The following SEPTIN6 variants were observed in gnomAD, a reference collection of about 807,000 sequenced individuals.
SEPTIN6 encodes septin-6.
In SEPTIN6, 8 loss-of-function variants were observed where a neutral mutation model predicts 33.6. The ratio of observed to expected loss-of-function variants is 0.24; its 90% CI spans 0.14 to 0.43. The LOEUF is 0.43. Among genes scored for constraint, SEPTIN6 ranks in the 20% least tolerant of loss-of-function variants. The pLI, the probability that SEPTIN6 is intolerant of heterozygous loss-of-function variation, is 1.00. For synonymous variants in SEPTIN6, 131 were observed against 140.0 expected (o/e 0.94, Z 0.45); for missense variants, 250 against 340.8 (o/e 0.73, Z 2.10).
intron 2 of SEPTIN6, among the ~76,000 whole-genome samples, chrX:119,671,482 G>A (rs921412602): frequency 9.1e-6 from 1 of 109,373 alleles, no homozygotes; most frequent in Non-Finnish European, 1.9e-5. Context: ...TAGAGACGGG[G>A]TTTCACCGTG....
chrX:119,686,469 G>A, intron 1 of SEPTIN6: 1 of 451,414 alleles, frequency 2.2e-6, no homozygotes, highest in Non-Finnish European at 3.4e-6. Flanking sequence ...TTAAGTGAGT[G>A]GAAGGGCCGG....
rs928388472 is a variant in SEPTIN6, at chrX:119,675,445, G to A, written c.145+109C>T. The A allele has an allele frequency of 1.0e-5, 4 of 383,185 alleles. No individual in the cohort carries two copies. The East Asian group carries it at 1.9e-4, about 18-fold the overall frequency. 31.6% of individuals were successfully genotyped at this position (383,185 alleles called of 1,213,427 possible). A position where few individuals can be genotyped will look rare whatever the true frequency, so the allele number is the denominator to read the frequency against. Reference sequence around the variant, plus strand: ...AAAAGAAGAGGGGAGAGACACTCTCGCAACTAAATCAGAATGACACACTAT... The same window carrying A: ...AAAAGAAGAGGGGAGAGACACTCTCACAACTAAATCAGAATGACACACTAT... On this transcript the variant is annotated intron_variant, in intron 2 of 10. Coordinates refer to ENST00000394610, the MANE Select transcript of SEPTIN6 (RefSeq NM_145799.4).
At position 119,628,544 on chromosome X, in the gene SEPTIN6, C is replaced by T. The variant is rs1407132800; in HGVS notation, c.1280+774G>A. Reference sequence around the variant, plus strand: ...TTTTTGAGACGGAGTCTCGCTCTGTCGCCCAGGCTGGAGTGCAGTGGCACG... The same window carrying T: ...TTTTTGAGACGGAGTCTCGCTCTGTTGCCCAGGCTGGAGTGCAGTGGCACG... On this transcript the variant is annotated intron_variant, in intron 9 of 10. Coordinates refer to ENST00000394610, the MANE Select transcript of SEPTIN6 (RefSeq NM_145799.4). Among the ~76,000 whole-genome samples the T allele has an allele frequency of 9.6e-5, 9 of 93,835 alleles. No individual in the cohort carries two copies. The East Asian group carries it at 2.8e-3, about 29-fold the overall frequency. 81.5% of individuals were successfully genotyped at this position (93,835 alleles called of 115,157 possible).
At chrX:119,616,653 AT>A, downstream of SEPTIN6, 1 of 1,147,497 alleles carries the variant, frequency 8.7e-7, no homozygotes, top group South Asian at 1.9e-5. Flanking sequence ...TTGATTTCTG[AT>A]TTGAGACAAT....
At chrX:119,680,107 C>T (rs1394131214) in intron 1 of SEPTIN6, among the ~76,000 whole-genome samples, 3 of 110,907 alleles carry the variant, frequency 2.7e-5, no homozygotes, top group African/African-American at 9.8e-5. Context: ...TCAATGTTCA[C>T]TGTAGAAATT....
intron 5 of SEPTIN6, among the ~76,000 whole-genome samples, chrX:119,645,286 T>C: frequency 1.0e-5 from 1 of 96,620 alleles, no homozygotes; most frequent in Admixed American, 1.1e-4. Context: ...GTCGCCAGGC[T>C]GGAGTGCAGT....
At chrX:119,652,754 G>A (rs1454264851) in intron 4 of SEPTIN6, 100 bp downstream of exon 4, 1 of 652,327 alleles carries the variant, frequency 1.5e-6, no homozygotes, top group African/African-American at 2.2e-5. Context: ...ATGAGGGAGA[G>A]GATGAGGATG....
At chrX:119,663,443 C>G in intron 3 of SEPTIN6, 39 bp downstream of exon 3, 1 of 1,019,706 alleles carries the variant, frequency 9.8e-7, no homozygotes, top group Non-Finnish European at 1.4e-6. Flanking sequence ...GGCCCTCTAC[C>G]AACCTCCCCA....
intron 1 of SEPTIN6, among the ~76,000 whole-genome samples, chrX:119,689,887 C>T (rs778292445): frequency 1.5e-4 from 17 of 109,772 alleles, no homozygotes; most frequent in Admixed American, 2.9e-4. Context: ...CGCACCACCA[C>T]GCCTGGCTAA....
Position 119,647,060 on chromosome X carries a change from C to CA in SEPTIN6, c.690+2876dup, listed in dbSNP as rs202002980. On this transcript the variant is annotated intron_variant, in intron 5 of 10. Transcript: ENST00000394610. The stretch of plus-strand genomic sequence containing the variant: ...TGAGGCCACTCCTCTCTTTCCCACT[C>CA]AAAAAAAACCCATAGTGGATTAGCC... Among the ~76,000 whole-genome samples the CA allele has an allele frequency of 4.1e-3, 451 of 109,922 alleles. 3 individuals carry two copies. The highest frequency in any genetic ancestry group is 0.014 in the African/African-American group (424 of 30,231).
intron 6 of SEPTIN6, among the ~76,000 whole-genome samples, chrX:119,637,759 G>A (rs762169586): frequency 1.3e-4 from 15 of 112,242 alleles, no homozygotes; most frequent in Non-Finnish European, 2.8e-4. Flanking sequence ...ATTCAGAAAC[G>A]AAGTGATGGA....
chrX:119,652,770 A>C (rs1569430646), intron 4 of SEPTIN6, 84 bp downstream of exon 4: 1 of 836,550 alleles, frequency 1.2e-6, no homozygotes, highest in African/African-American at 2.0e-5. Flanking sequence ...GGATGCCACA[A>C]ATCTCTCCCG....
intron 1 of SEPTIN6, among the ~76,000 whole-genome samples, chrX:119,678,172 G>A (rs894475036): frequency 5.4e-5 from 6 of 111,014 alleles, no homozygotes; most frequent in Non-Finnish European, 7.6e-5. Context: ...CCAGGAGGTC[G>A]AGGCTGCAGT....
chrX:119,650,057 C>G lies in SEPTIN6; in HGVS notation c.570G>C (p.Ser190=), dbSNP rs780576827. The G allele has an allele frequency of 1.5e-5, 18 of 1,209,721 alleles. No individual in the cohort carries two copies. The highest frequency in any genetic ancestry group is 2.0e-5 in the Non-Finnish European group (18 of 895,063). ...IPIIAKADAI[S]KSELTKFKIK... ...TTTTGAACTTTGTTAGCTCACTCTT[C>G]GAAATGGCATCTGCTTTGGCAATGA... Residue 190 remains serine (S), a synonymous_variant, in exon 5 of 11, where the codon TCG becomes TCC. Transcript: ENST00000394610.
chrX:119,642,674 A>G (rs747622265), intron 5 of SEPTIN6, among the ~76,000 whole-genome samples: 1 of 111,668 alleles, frequency 9.0e-6, no homozygotes, highest in East Asian at 2.8e-4. Context: ...TGTTTAATCC[A>G]CAGGCTGATC....
chrX:119,620,400 G>C (rs1484465416), intron 10 of SEPTIN6, among the ~76,000 whole-genome samples: 2 of 100,831 alleles, frequency 2.0e-5, no homozygotes, highest in Non-Finnish European at 4.0e-5. Context: ...CTCGCTGCAA[G>C]CTCTGCCTCC....
chrX:119,657,921 C>CA (rs1453927040), intron 3 of SEPTIN6, among the ~76,000 whole-genome samples: 1 of 111,754 alleles, frequency 8.9e-6, no homozygotes, highest in African/African-American at 3.3e-5. Context: ...GTCAGGAAAT[C>CA]AAGACCATCC....
chrX:119,675,680 GGAGT>G lies in SEPTIN6; in HGVS notation c.31-16_31-13del. The G allele has an allele frequency of 4.1e-6, 4 of 981,784 alleles. No homozygotes were observed. The highest frequency in any genetic ancestry group is 7.0e-5 in the Admixed American group (2 of 28,753). 80.9% of individuals were successfully genotyped at this position (981,784 alleles called of 1,213,427 possible). Reference sequence around the variant, plus strand: ...CGGCAACCTTCACCCTAATTTGGAAGGAGTGAGGGAGAAAATGAAAATGTGCTTA... The same window carrying G: ...CGGCAACCTTCACCCTAATTTGGAAGGAGGGAGAAAATGAAAATGTGCTTA... On this transcript the variant is annotated splice_polypyrimidine_tract_variant and intron_variant, in intron 1 of 10. Transcript: ENST00000394610.
intron 1 of SEPTIN6, among the ~76,000 whole-genome samples, chrX:119,690,408 G>C (rs2055149589): frequency 9.4e-6 from 1 of 106,314 alleles, no homozygotes; most frequent in South Asian, 4.3e-4. Context: ...TACTCGCATG[G>C]TACCACGTCT....
Sources: gnomAD v4.1 joint callset for allele counts (sites outside exome capture counted in the v4.1 genomes callset) on GRCh38, gnomAD v4.1.1 for gene constraint, MANE v1.5 for transcripts, NCBI Gene and HGNC (gene_info 2026-07-23, HGNC 2026-07-21) for gene names.